The following ATXN7L1 variants were observed in gnomAD, a reference collection of about 807,000 sequenced individuals.
ATXN7L1 encodes ataxin 7 like 1, also known as ataxin-7-like protein 1.
In ATXN7L1, 15 loss-of-function variants were observed where a neutral mutation model predicts 70.8. The ratio of observed to expected loss-of-function variants is 0.21; its 90% confidence interval spans 0.14 to 0.33. The LOEUF is 0.33. Among genes scored for constraint, ATXN7L1 ranks in the 10% least tolerant of loss-of-function variants. The pLI, the probability that ATXN7L1 is intolerant of heterozygous loss-of-function variation, is 1.00. For synonymous variants in ATXN7L1, 440 were observed against 445.1 expected (o/e 0.99, Z 0.14); for missense variants, 975 against 1,097.1 (o/e 0.89, Z 1.57).
chr7:105,633,512 G>GT (rs1225092405), intron 7 of ATXN7L1, among the ~76,000 whole-genome samples: 1 of 152,162 alleles, frequency 6.6e-6, no homozygotes, highest in African/African-American at 2.4e-5. Flanking sequence ...GAGGTCAGGA[G>GT]TTTGAGACCA....
intron 3 of ATXN7L1, among the ~76,000 whole-genome samples, chr7:105,734,636 GTTT>G (rs59456850): frequency 7.0e-6 from 1 of 142,014 alleles, no homozygotes. Flanking sequence ...CTCCTTTCAT[GTTT>G]TTTTTTTTTT....
At chr7:105,751,727 T>C (rs2116388069) in intron 3 of ATXN7L1, among the ~76,000 whole-genome samples, 1 of 152,340 alleles carries the variant, frequency 6.6e-6, no homozygotes, top group South Asian at 2.1e-4. Context: ...ATTTTTCAGA[T>C]TCTCCTCAGG....
intron 3 of ATXN7L1, among the ~76,000 whole-genome samples, chr7:105,690,304 A>T (rs1429675213): frequency 2.0e-5 from 3 of 151,790 alleles, no homozygotes; most frequent in African/African-American, 7.3e-5. Context: ...CGCGCCCAGC[A>T]AAAAAAAGCA....
intron 2 of ATXN7L1, among the ~76,000 whole-genome samples, chr7:105,799,103 T>C (rs184592173): frequency 2.6e-5 from 4 of 152,366 alleles, no homozygotes; most frequent in Non-Finnish European, 5.9e-5. Flanking sequence ...GAGAGATTTC[T>C]TGGATAACAC....
chr7:105,770,041 G>C (rs1801771930), intron 3 of ATXN7L1, among the ~76,000 whole-genome samples: 1 of 152,262 alleles, frequency 6.6e-6, no homozygotes, highest in Admixed American at 6.5e-5. Flanking sequence ...GGCTTCACCA[G>C]AAACACGTGC....
intron 3 of ATXN7L1, among the ~76,000 whole-genome samples, chr7:105,748,304 G>A (rs920420984): frequency 6.6e-6 from 1 of 152,156 alleles, no homozygotes; most frequent in Non-Finnish European, 1.5e-5. Context: ...GTGGGATGCT[G>A]GACCTGGAAT....
intron 2 of ATXN7L1, among the ~76,000 whole-genome samples, chr7:105,810,646 C>T (rs183698135): frequency 3.9e-4 from 59 of 152,204 alleles, no homozygotes; most frequent in African/African-American, 1.4e-3. Flanking sequence ...AAGGGGAGAG[C>T]CTAGGACGTA....
At chr7:105,828,103 A>C (rs191718146) in intron 2 of ATXN7L1, among the ~76,000 whole-genome samples, 586 of 152,154 alleles carry the variant, frequency 3.9e-3, no homozygotes, top group Admixed American at 6.4e-3. Flanking sequence ...CCAAGGCACA[A>C]AAAAAAATTA....
intron 3 of ATXN7L1, among the ~76,000 whole-genome samples, chr7:105,714,702 G>A (rs904594372): frequency 2.0e-5 from 3 of 152,144 alleles, no homozygotes; most frequent in South Asian, 2.1e-4. Context: ...TCGCTCTGTC[G>A]CCCACGCTGG....
At chr7:105,837,166 A>C (rs1316611722) in intron 2 of ATXN7L1, among the ~76,000 whole-genome samples, 1 of 152,148 alleles carries the variant, frequency 6.6e-6, no homozygotes, top group East Asian at 1.9e-4. Flanking sequence ...GGGATGGCTC[A>C]AGCCATTCAT....
intron 2 of ATXN7L1, among the ~76,000 whole-genome samples, chr7:105,843,265 T>C (rs1050698989): frequency 6.6e-6 from 1 of 152,218 alleles, no homozygotes; most frequent in African/African-American, 2.4e-5. Context: ...TGGTTCTGTT[T>C]CTCTGGTTAT....
chr7:105,696,294 T>C (rs1584759158), intron 3 of ATXN7L1, among the ~76,000 whole-genome samples: 1 of 152,118 alleles, frequency 6.6e-6, no homozygotes, highest in African/African-American at 2.4e-5. Flanking sequence ...CTCAAGGGGG[T>C]TTCTTCAGGT....
intron 2 of ATXN7L1, among the ~76,000 whole-genome samples, chr7:105,793,512 G>A (rs1002386114): frequency 1.4e-4 from 21 of 152,184 alleles, no homozygotes; most frequent in Non-Finnish European, 2.9e-4. Flanking sequence ...GACTTAGGAA[G>A]GCTGATCCCT....
intron 3 of ATXN7L1, among the ~76,000 whole-genome samples, chr7:105,675,630 A>G (rs947786816): frequency 7.2e-5 from 11 of 152,168 alleles, no homozygotes; most frequent in African/African-American, 2.7e-4. Context: ...TCTCAAAAAA[A>G]AGAAAAAAAA....
At chr7:105,809,799 C>T (rs1452318986) in intron 2 of ATXN7L1, among the ~76,000 whole-genome samples, 1 of 151,334 alleles carries the variant, frequency 6.6e-6, no homozygotes, top group East Asian at 1.9e-4. Context: ...AAGACAGGGT[C>T]TCACTCTGTT....
intron 3 of ATXN7L1, among the ~76,000 whole-genome samples, chr7:105,744,671 CAG>C (rs1407500044): frequency 1.3e-5 from 2 of 151,166 alleles, no homozygotes; most frequent in African/African-American, 2.4e-5. Context: ...CCATGAATGA[CAG>C]AGACTGAAGA....
chr7:105,778,344 C>T (rs1057427409), intron 3 of ATXN7L1, among the ~76,000 whole-genome samples: 1 of 104,720 alleles, frequency 9.5e-6, no homozygotes, highest in African/African-American at 3.5e-5. Context: ...CGCATCTCTA[C>T]AAAAAAAAAA....
At chr7:105,665,957 C>T (rs1044451440) in intron 3 of ATXN7L1, among the ~76,000 whole-genome samples, 3 of 152,330 alleles carry the variant, frequency 2.0e-5, no homozygotes, top group South Asian at 2.1e-4. Flanking sequence ...GCGAGCACAA[C>T]TTCCTGAGGT....
chr7:105,805,784 G>A (rs903146547), intron 2 of ATXN7L1, among the ~76,000 whole-genome samples: 2 of 152,184 alleles, frequency 1.3e-5, no homozygotes, highest in Non-Finnish European at 2.9e-5. Context: ...AGCAAATGCA[G>A]TGTGGTGAGA....
Sources: allele counts gnomAD v4.1 joint callset (sites outside exome capture counted in the v4.1 genomes callset), GRCh38; gene constraint gnomAD v4.1.1; transcripts MANE v1.5; gene names NCBI Gene and HGNC (gene_info 2026-07-23, HGNC 2026-07-21).